KHDRBS3: variants seen among roughly 807,000 people sequenced by gnomAD.
KHDRBS3 encodes KH RNA binding domain containing, signal transduction associated 3.
A neutral mutation model predicts 45.6 loss-of-function variants in KHDRBS3; 23 were observed. The observed-to-expected ratio is 0.50, with a 90% CI of 0.36 to 0.72. KHDRBS3 has a LOEUF of 0.72. KHDRBS3 is among the 30% of genes least tolerant of loss of function. KHDRBS3 has a pLI of 0.00. For synonymous variants in KHDRBS3, 162 were observed against 156.5 expected (o/e 1.04, Z -0.26); for missense variants, 352 against 424.8 (o/e 0.83, Z 1.51).
chr8:135,533,460 G>A (rs1350641161), intron 2 of KHDRBS3, among the ~76,000 whole-genome samples: 1 of 152,108 alleles, frequency 6.6e-6, no homozygotes, highest in Non-Finnish European at 1.5e-5. Context: ...TGATAGAACA[G>A]GCTTATGATT....
chr8:135,563,427 A>G (rs1563771003), intron 5 of KHDRBS3, among the ~76,000 whole-genome samples: 1 of 152,176 alleles, frequency 6.6e-6, no homozygotes, highest in Admixed American at 6.5e-5. Context: ...GCCCTTGCCG[A>G]GCACGCAGTG....
At chr8:135,593,281 T>G (rs185822394) in intron 6 of KHDRBS3, 1 of 152,336 alleles carries the variant, frequency 6.6e-6, no homozygotes, top group Non-Finnish European at 1.5e-5. Context: ...CCTGGAGTAG[T>G]TGTCACCCCC....
chr8:135,624,162 G>A (rs1487938012), intron 7 of KHDRBS3, among the ~76,000 whole-genome samples: 1 of 152,098 alleles, frequency 6.6e-6, no homozygotes, highest in Non-Finnish European at 1.5e-5. Context: ...GGTAACAATG[G>A]CTTTCACTGA....
chr8:135,526,335 A>C (rs1825185608), intron 2 of KHDRBS3, among the ~76,000 whole-genome samples: 1 of 151,762 alleles, frequency 6.6e-6, no homozygotes, highest in Non-Finnish European at 1.5e-5. Flanking sequence ...TTTAAAATTT[A>C]ATTTAAGATT....
intron 6 of KHDRBS3, among the ~76,000 whole-genome samples, chr8:135,590,688 C>G (rs745964162): frequency 6.6e-6 from 1 of 152,094 alleles, no homozygotes; most frequent in Non-Finnish European, 1.5e-5. Context: ...TAGTTGTGAG[C>G]CTTTTGAATT....
chr8:135,565,049 G>A (rs1827343171), intron 5 of KHDRBS3, among the ~76,000 whole-genome samples: 1 of 152,198 alleles, frequency 6.6e-6, no homozygotes, highest in Non-Finnish European at 1.5e-5. Flanking sequence ...GGGGCTGCGA[G>A]TCTTGTTCCA....
At chr8:135,548,485 C>G (rs1826420268) in intron 3 of KHDRBS3, among the ~76,000 whole-genome samples, 1 of 152,034 alleles carries the variant, frequency 6.6e-6, no homozygotes, top group African/African-American at 2.4e-5. Flanking sequence ...CGGAAGTGAG[C>G]AGATGATGGG....
At chr8:135,646,802 G>A (rs555664513) in intron 8 of KHDRBS3, among the ~76,000 whole-genome samples, 191 bp from the exon 9 acceptor site, 1 of 152,272 alleles carries the variant, frequency 6.6e-6, no homozygotes, top group African/African-American at 2.4e-5. Context: ...TTGCGAGTGA[G>A]ATGATTATTT....
At position 135,625,114 on chromosome 8, in the gene KHDRBS3, AG is replaced by A. The variant is rs745564701; in HGVS notation, c.890+18080del. The stretch of plus-strand genomic sequence containing the variant: ...CAGTGAGTCCTCTAAGGATAATAAA[AG>A]GGAGTATTTTACAGTTAAGCACATG... On this transcript the variant is annotated intron_variant, in intron 7 of 8. Transcript: ENST00000355849. The A allele has an allele frequency of 3.4e-6, 3 of 891,432 alleles. No homozygotes were observed. In the African/African-American group the frequency reaches 5.1e-5, roughly 15 times the overall value. 55.2% of individuals were successfully genotyped at this position (891,432 alleles called of 1,614,324 possible).
chr8:135,642,983 CAG>C (rs930540061), intron 7 of KHDRBS3, among the ~76,000 whole-genome samples: 2 of 151,962 alleles, frequency 1.3e-5, no homozygotes, highest in Admixed American at 1.3e-4. Context: ...TTAGTAGAGA[CAG>C]GGTTTCACCA....
At chr8:135,618,111 G>A (rs1381104040) in intron 7 of KHDRBS3, among the ~76,000 whole-genome samples, 1 of 152,202 alleles carries the variant, frequency 6.6e-6, no homozygotes, top group Non-Finnish European at 1.5e-5. Flanking sequence ...GAAGGGATAT[G>A]TTCCTTTTGG....
chr8:135,604,343 T>A lies in KHDRBS3; in HGVS notation c.808-2612T>A, dbSNP rs533907640. Among the ~76,000 whole-genome samples, 8 of 152,124 alleles carry A rather than the reference T, an allele frequency of 5.3e-5. No individual in the cohort carries two copies. In the East Asian group the frequency reaches 1.4e-3, roughly 26 times the overall value. ...TAAAGTGTGTCTCTTGTAGACAGCATGTGGTTGGATCATTTTTCCCATAAT... is the reference window on the plus strand; with the variant it reads ...TAAAGTGTGTCTCTTGTAGACAGCAAGTGGTTGGATCATTTTTCCCATAAT... On this transcript the variant is annotated intron_variant, in intron 6 of 8. Transcript: ENST00000355849.
chr8:135,645,992 A>ATTTTTTTTTTTTTTTTTTTTTTTTTTTT (rs57082119), intron 8 of KHDRBS3, among the ~76,000 whole-genome samples: 1 of 100,688 alleles, frequency 9.9e-6, no homozygotes, highest in African/African-American at 4.1e-5. Flanking sequence ...TGCACCTTGG[A>ATTTTTTTTTTTTTTTTTTTTTTTTTTTT]TTTTTTTTTT....
At position 135,457,767 on chromosome 8, in the gene KHDRBS3, C is replaced by A. The variant is rs1821183369; in HGVS notation, c.-100C>A. On this transcript the variant is annotated 5_prime_UTR_variant, in exon 1 of 9. Transcript: ENST00000355849. The surrounding 1 kb of genome is among the most constrained non-coding windows in gnomAD (Gnocchi z 4.4). ...TGGCCGCTGCTGCCGCGTCTGGCCCCCGGGTCCCCGCCGCTGGGGGCGCGG... is the reference window on the plus strand; with the variant it reads ...TGGCCGCTGCTGCCGCGTCTGGCCCACGGGTCCCCGCCGCTGGGGGCGCGG... 4.1e-6 allele frequency: 2 copies of A among 492,822 alleles called. No individual in the cohort carries two copies. The highest frequency in any genetic ancestry group is 6.5e-5 in the South Asian group (1 of 15,382). 30.5% of individuals were successfully genotyped at this position (492,822 alleles called of 1,614,324 possible).
chr8:135,609,323 T>C (rs976413496), intron 7 of KHDRBS3, among the ~76,000 whole-genome samples: 1 of 152,022 alleles, frequency 6.6e-6, no homozygotes, highest in African/African-American at 2.4e-5. Context: ...AATTTTTTTT[T>C]CCCCTCTGTC....
intron 1 of KHDRBS3, among the ~76,000 whole-genome samples, chr8:135,464,588 C>A (rs78898236): frequency 0.013 from 1,991 of 152,236 alleles, 21 homozygotes; most frequent in Non-Finnish European, 0.021. Flanking sequence ...AAAAAGTATT[C>A]CCACAGATAA....
intron 6 of KHDRBS3, among the ~76,000 whole-genome samples, chr8:135,583,859 G>T (rs1828330410): frequency 6.6e-6 from 1 of 152,156 alleles, no homozygotes; most frequent in Non-Finnish European, 1.5e-5. Flanking sequence ...AAAGGTTAAA[G>T]TCCAAAGGAG....
In KHDRBS3 at chr8:135,647,372, T is replaced by C. The variant is rs918910438; in HGVS notation, c.*288T>C. The C allele has an allele frequency of 4.6e-6, 1 of 217,430 alleles. No homozygotes were observed. The highest frequency in any genetic ancestry group is 1.7e-4 in the South Asian group (1 of 5,820). 13.5% of individuals were successfully genotyped at this position (217,430 alleles called of 1,614,324 possible). On this transcript the variant is annotated 3_prime_UTR_variant, in exon 9 of 9. Coordinates refer to ENST00000355849, the MANE Select transcript of KHDRBS3 (RefSeq NM_006558.3). ...AAACAAAAAATAGGTTTACTAAATA[T>C]GTTAATCTATTCTTTTAACATAAGC...
chr8:135,632,749 G>GCCTGCATGAC (rs1236785002), intron 7 of KHDRBS3, among the ~76,000 whole-genome samples: 1 of 152,038 alleles, frequency 6.6e-6, no homozygotes, highest in Non-Finnish European at 1.5e-5. Context: ...CCTCTCAGTG[G>GCCTGCATGAC]CCTGCATGAC....
Sources: gnomAD v4.1 joint callset for allele counts (sites outside exome capture counted in the v4.1 genomes callset) on GRCh38, gnomAD v4.1.1 for gene constraint, Gnocchi (gnomAD v3.1) non-coding constraint, MANE v1.5 for transcripts, NCBI Gene and HGNC (gene_info 2026-07-23, HGNC 2026-07-21) for gene names.